Variants in IFT25 observed in about 807,000 individuals in gnomAD.
IFT25 encodes the protein intraflagellar transport protein 25 homolog.
the IFT25 span, among the ~76,000 whole-genome samples, chr1:53,921,320 T>C: frequency 6.6e-6 from 1 of 152,220 alleles, no homozygotes; most frequent in African/African-American, 2.4e-5. Flanking sequence ...ACTTAGTCCT[T>C]TGCATCAATC....
At chr1:53,928,370 A>ATTGAAAAAAT in the IFT25 span, 1 of 1,608,886 alleles carries the variant, frequency 6.2e-7, no homozygotes, top group South Asian at 1.1e-5. Flanking sequence ...TGAAACACAT[A>ATTGAAAAAAT]CCTTTTTCAA....
At chr1:53,924,717 G>T in the IFT25 span, among the ~76,000 whole-genome samples, 1 of 152,092 alleles carries the variant, frequency 6.6e-6, no homozygotes, top group Admixed American at 6.6e-5. Context: ...GGCGTCAGTA[G>T]TCCCAGCTAC....
At chr1:53,915,762 G>C in the IFT25 span, among the ~76,000 whole-genome samples, 4 of 152,164 alleles carry the variant, frequency 2.6e-5, no homozygotes, top group African/African-American at 7.2e-5. Flanking sequence ...ACAGGCAGAG[G>C]AAACAGCAAA....
chr1:53,917,886 G>A, the IFT25 span, among the ~76,000 whole-genome samples: 4 of 151,958 alleles, frequency 2.6e-5, no homozygotes, highest in African/African-American at 7.3e-5. Flanking sequence ...CATCCATCAC[G>A]ATCCACACAT....
At chr1:53,940,968 G>C in the IFT25 span, among the ~76,000 whole-genome samples, 2 of 151,170 alleles carry the variant, frequency 1.3e-5, no homozygotes, top group African/African-American at 4.9e-5. Flanking sequence ...TTTTTTTTCT[G>C]TAGAGATGGG....
chr1:53,919,756 A>G, the IFT25 span, among the ~76,000 whole-genome samples: 6 of 151,858 alleles, frequency 4.0e-5, no homozygotes, highest in East Asian at 1.9e-4. Flanking sequence ...ATTGTTGCCT[A>G]TATCAATGTT....
chr1:53,936,441 C>A, the IFT25 span, among the ~76,000 whole-genome samples: 30,864 of 152,088 alleles, frequency 0.2, 4,438 homozygotes, highest in African/African-American at 0.42. Context: ...CAGAGTGAGA[C>A]CTTGTCTCAA....
At chr1:53,923,967 G>A in the IFT25 span, 2 of 1,547,758 alleles carry the variant, frequency 1.3e-6, no homozygotes, top group African/African-American at 2.7e-5. Context: ...AAATGTAACA[G>A]AAGAAATGAG....
the IFT25 span, chr1:53,928,398 A>C: frequency 3.1e-6 from 5 of 1,613,518 alleles, no homozygotes; most frequent in Non-Finnish European, 4.2e-6. Context: ...CTCAAAATCA[A>C]CTGGCTCTTT....
chr1:53,939,122 T>C, the IFT25 span, among the ~76,000 whole-genome samples: 1 of 147,532 alleles, frequency 6.8e-6, no homozygotes, highest in Admixed American at 6.8e-5. Flanking sequence ...CTGGGCTCAG[T>C]AGCTTACGCC....
the IFT25 span, among the ~76,000 whole-genome samples, chr1:53,941,617 T>G: frequency 6.6e-6 from 1 of 152,200 alleles, no homozygotes; most frequent in East Asian, 1.9e-4. Flanking sequence ...GGGATGAACA[T>G]TGTCAAGCCT....
At chr1:53,926,510 T>C in the IFT25 span, among the ~76,000 whole-genome samples, 317 of 152,334 alleles carry the variant, frequency 2.1e-3, 3 homozygotes, top group Non-Finnish European at 2.5e-3. Flanking sequence ...ACCACCATCA[T>C]AACATTAAAA....
At chr1:53,912,011 T>C in the IFT25 span, among the ~76,000 whole-genome samples, 1 of 152,156 alleles carries the variant, frequency 6.6e-6, no homozygotes, top group African/African-American at 2.4e-5. Context: ...GAATAAAAAT[T>C]CCCCATCCTA....
At chr1:53,924,223 A>T in the IFT25 span, among the ~76,000 whole-genome samples, 1 of 152,370 alleles carries the variant, frequency 6.6e-6, no homozygotes, top group Non-Finnish European at 1.5e-5. Flanking sequence ...TAAGGAACTG[A>T]TAAAATGTGA....
the IFT25 span, among the ~76,000 whole-genome samples, chr1:53,926,885 G>A: frequency 1.3e-5 from 2 of 151,886 alleles, no homozygotes; most frequent in African/African-American, 4.8e-5. Context: ...ACCATCCCTG[G>A]CTAATTTTTA....
At chr1:53,917,293 C>A in the IFT25 span, among the ~76,000 whole-genome samples, 17 of 152,286 alleles carry the variant, frequency 1.1e-4, no homozygotes, top group African/African-American at 4.1e-4. Context: ...GCTTCTTCAA[C>A]TAACCCTCTT....
the IFT25 span, among the ~76,000 whole-genome samples, chr1:53,925,275 C>T: frequency 6.6e-6 from 1 of 152,030 alleles, no homozygotes; most frequent in Non-Finnish European, 1.5e-5. Context: ...TGAAATAATA[C>T]ATTATAATGA....
chr1:53,946,278 T>A, the IFT25 span: 6 of 151,170 alleles, frequency 4.0e-5, no homozygotes, highest in African/African-American at 1.5e-4. Flanking sequence ...TCGCCTGCCC[T>A]GGGCCTGGCC....
the IFT25 span, among the ~76,000 whole-genome samples, chr1:53,934,991 T>C: frequency 6.6e-6 from 1 of 152,110 alleles, no homozygotes; most frequent in African/African-American, 2.4e-5. Flanking sequence ...AGAGCAAGAC[T>C]CTGTCTCAAA....
Sources: allele counts gnomAD v4.1 joint callset (sites outside exome capture counted in the v4.1 genomes callset), GRCh38; gene constraint gnomAD v4.1.1; transcripts MANE v1.5; gene names NCBI Gene and HGNC (gene_info 2026-07-23, HGNC 2026-07-21).